GARNL3: variants seen among roughly 807,000 people sequenced by gnomAD.
GARNL3 encodes the protein GTPase activating Rap/RanGAP domain like 3, also known as GTPase-activating Rap/Ran-GAP domain-like protein 3.
GARNL3 carries 63 observed loss-of-function variants against 125.0 expected under a neutral mutation model. The ratio of observed to expected loss-of-function variants is 0.50; its 90% CI spans 0.41 to 0.62. The LOEUF (loss-of-function observed/expected upper bound fraction) is 0.62. Among genes scored for constraint, GARNL3 ranks in the 20% least tolerant of loss-of-function variants. The pLI is 0.00. For missense variants in GARNL3, 994 were observed against 1,244.0 expected, an observed-to-expected ratio of 0.80 and a Z score of 3.02; for synonymous variants, 439 against 457.5, an observed-to-expected ratio of 0.96 and a Z score of 0.52.
At chr9:127,263,701 C>G, upstream of GARNL3, 1 of 1,150,980 alleles carries the variant, frequency 8.7e-7, no homozygotes, top group Non-Finnish European at 1.1e-6. Flanking sequence ...ATCTGGAACA[C>G]TTTCAAACTG....
At chr9:127,310,966 C>T (rs2065079101) in intron 2 of GARNL3, among the ~76,000 whole-genome samples, 1 of 151,858 alleles carries the variant, frequency 6.6e-6, no homozygotes, top group Non-Finnish European at 1.5e-5. Context: ...AATTTAACTT[C>T]TAAGAATTAT....
chr9:127,248,663 A>G (rs1045388673), intron 2 of GARNL3, among the ~76,000 whole-genome samples: 2 of 122,054 alleles, frequency 1.6e-5, no homozygotes, highest in East Asian at 2.4e-4. Flanking sequence ...GCTGGAGTGC[A>G]GTGGTGTGAT....
At chr9:127,294,146 A>T (rs1042335314) in intron 2 of GARNL3, among the ~76,000 whole-genome samples, 1 of 152,198 alleles carries the variant, frequency 6.6e-6, no homozygotes, top group African/African-American at 2.4e-5. Context: ...TTTGTCCCCA[A>T]CAAGGTCACC....
chr9:127,341,267 A>G (rs1829846047), intron 13 of GARNL3, among the ~76,000 whole-genome samples: 1 of 152,180 alleles, frequency 6.6e-6, no homozygotes, highest in African/African-American at 2.4e-5. Flanking sequence ...ATGCTACAAC[A>G]AGGTCCCAAA....
chr9:127,306,672 A>G (rs1249704741), intron 2 of GARNL3, among the ~76,000 whole-genome samples: 1 of 151,232 alleles, frequency 6.6e-6, no homozygotes, highest in Non-Finnish European at 1.5e-5. Flanking sequence ...GCTTTCAGTG[A>G]GTCTAGATCG....
At chr9:127,243,400 CT>C in intron 2 of GARNL3, 1 of 518,036 alleles carries the variant, frequency 1.9e-6, no homozygotes, top group Non-Finnish European at 3.1e-6. Context: ...GACTGCATTT[CT>C]GTTCTTATTT....
chr9:127,277,654 C>T (rs2063990450), intron 1 of GARNL3, among the ~76,000 whole-genome samples: 1 of 151,952 alleles, frequency 6.6e-6, no homozygotes, highest in African/African-American at 2.4e-5. Context: ...TATCTCTGAG[C>T]CTTACTTAGC....
intron 7 of GARNL3, among the ~76,000 whole-genome samples, chr9:127,328,994 G>A (rs1301685718): frequency 6.6e-6 from 1 of 152,200 alleles, no homozygotes. Flanking sequence ...ACCCAGGTCT[G>A]GCCTTGAGAC....
At chr9:127,354,553 C>T (rs912424140) in intron 19 of GARNL3, 143 bp downstream of exon 19, 3 of 563,586 alleles carry the variant, frequency 5.3e-6, no homozygotes, top group Non-Finnish European at 9.5e-6. Context: ...AATAGCATCA[C>T]TGTTTCCAGA....
intron 2 of GARNL3, among the ~76,000 whole-genome samples, chr9:127,254,506 C>A (rs1008045036): frequency 3.3e-5 from 5 of 152,160 alleles, no homozygotes; most frequent in Admixed American, 3.3e-4. Context: ...CCAATTCTCA[C>A]GCCTGTAATC....
chr9:127,264,915 C>G lies in GARNL3; in HGVS notation c.38C>G (p.Ser13Trp). The change falls in exon 1 of 28, where the codon TCG becomes TGG. Residue 13 changes from serine to tryptophan, a missense_variant. Physicochemically the swap from Ser to Trp is radical, Grantham distance 177 (BLOSUM62 -3). Transcript: ENST00000373387. ...TTTTGCAGAAGGTTTGTGGCCAGAT[C>G]GCTATGTATAATACTGATGAAGCAT... ...VDFCRRFVARSLCIILMKHFC... is the reference protein window; with the variant it reads ...VDFCRRFVARWLCIILMKHFC... 6.2e-7 allele frequency: 1 copy of G among 1,601,968 alleles called. No homozygotes were observed. Among genetic ancestry groups the G allele is most frequent in the Non-Finnish European group, 8.5e-7 (1 of 1,173,164 alleles).
chr9:127,373,778 C>T (rs1232986147), intron 22 of GARNL3, among the ~76,000 whole-genome samples: 5 of 152,006 alleles, frequency 3.3e-5, no homozygotes, highest in Non-Finnish European at 5.9e-5. Flanking sequence ...AATCCCAACA[C>T]TTTGGGAGGT....
At position 127,344,230 on chromosome 9, in the gene GARNL3, T is replaced by C; in HGVS notation, c.1252-5T>C. Reference sequence around the variant, plus strand: ...TGGAATTCATAACTTGTTTTTCTTTTTTAGAACATGCTTAATAGACGATCT... The same window carrying C: ...TGGAATTCATAACTTGTTTTTCTTTCTTAGAACATGCTTAATAGACGATCT... On this transcript the variant is annotated splice_polypyrimidine_tract_variant and splice_region_variant and intron_variant, in intron 14 of 27. Transcript: ENST00000373387. The C allele has an allele frequency of 6.3e-7, 1 of 1,591,404 alleles. No homozygotes were observed. Among genetic ancestry groups the C allele is most frequent in the Non-Finnish European group, 8.6e-7 (1 of 1,168,926 alleles).
At chr9:127,229,347 G>T (rs1428168978) in intron 1 of GARNL3, among the ~76,000 whole-genome samples, 1 of 152,122 alleles carries the variant, frequency 6.6e-6, no homozygotes, top group Non-Finnish European at 1.5e-5. Context: ...GAAAGTTCAG[G>T]GTGGCACTGG....
rs150769635 is a variant in GARNL3, at chr9:127,250,929, T to C, written c.143+7680T>C. Among the ~76,000 whole-genome samples the C allele has an allele frequency of 1.6e-4, 24 of 152,286 alleles. 1 individual carries two copies. The East Asian group carries it at 4.6e-3, about 29-fold the overall frequency. ...CAGCATCCCCTGCAGGAATAACTGC[T>C]AAAAGTAATCATTTTTCCTCAAGGA... On this transcript the variant is annotated intron_variant, in intron 2 of 10. Transcript: ENST00000439286.
chr9:127,362,046 T>G (rs1831028998), intron 21 of GARNL3: 1 of 151,402 alleles, frequency 6.6e-6, no homozygotes, highest in East Asian at 1.9e-4. Flanking sequence ...CGTTATGTCT[T>G]GGAAGGGGCT....
chr9:127,265,001 CATT>C lies in GARNL3; in HGVS notation c.127_129del (p.Tyr43del). 6.2e-7 allele frequency: 1 copy of C among 1,612,890 alleles called. No homozygotes were observed. The highest frequency in any genetic ancestry group is 1.7e-5 in the Admixed American group (1 of 59,916). ...TAGACGTGGGGATTTCAGTAGGAAA[CATT>C]ATGGATCTGTGGAGCTGGTAAGTTT... On this transcript the variant is annotated inframe_deletion, in exon 1 of 28. Transcript: ENST00000373387.
chr9:127,335,284 T>A lies in GARNL3; in HGVS notation c.824T>A (p.Met275Lys). 6.2e-7 allele frequency: 1 copy of A among 1,614,120 alleles called. No homozygotes were observed. The change falls in exon 10 of 28, where the codon ATG becomes AAG. Residue 275 changes from methionine (M) to lysine (K), a missense_variant. Around this residue, in one of 5 missense-constraint regions of GARNL3, gnomAD observed 71 missense variants for 66.2 expected, o/e 1.07. Coordinates refer to ENST00000373387, the MANE Select transcript of GARNL3 (RefSeq NM_032293.5). ...VYTVYQGHEI[M>K]FHVSTMLPYS... ...ACTGTGTACCAAGGGCATGAGATCA[T>A]GTTTCATGTTTCCACCATGTTGCCA...
chr9:127,228,740 T>G (rs1260393350), intron 1 of GARNL3, among the ~76,000 whole-genome samples: 1 of 152,238 alleles, frequency 6.6e-6, no homozygotes, highest in Non-Finnish European at 1.5e-5. Flanking sequence ...TTAATTTTCT[T>G]TATGTTTCTG....
Sources: allele counts gnomAD v4.1 joint callset (sites outside exome capture counted in the v4.1 genomes callset), GRCh38; gene constraint gnomAD v4.1.1; regional missense constraint gnomAD v4.1.1; transcripts MANE v1.5; gene names NCBI Gene and HGNC (gene_info 2026-07-23, HGNC 2026-07-21).